The following PLEKHG5 variants were observed in gnomAD, a reference collection of about 807,000 sequenced individuals.
PLEKHG5 encodes pleckstrin homology domain-containing family G member 5.
Under a neutral mutation model 103.8 loss-of-function variants are expected in PLEKHG5, and 52 were observed. The observed-to-expected ratio is 0.50, with a 90% confidence interval of 0.40 to 0.63. PLEKHG5 has a LOEUF of 0.63. Ranked by LOEUF, PLEKHG5 falls within the 30% of genes least tolerant of loss-of-function variation. PLEKHG5 has a pLI of 0.00. For synonymous variants in PLEKHG5, 592 were observed against 575.5 expected, an observed-to-expected ratio of 1.03 and a Z score of -0.41; for missense variants, 1,205 against 1,347.6, an observed-to-expected ratio of 0.89 and a Z score of 1.66.
Position 6,477,512 on chromosome 1 carries a change from C to T in PLEKHG5, c.43+17G>A, listed in dbSNP as rs200864730. The T allele has an allele frequency of 6.2e-7, 1 of 1,601,320 alleles. No individual in the cohort carries two copies. Among genetic ancestry groups the T allele is most frequent in the African/African-American group, 1.3e-5 (1 of 74,984 alleles). ...AGGAGCTCTGGGGGCCGAGCTGCGG[C>T]TCCCGCCTGTGCTCACCTTGTGGGG... On this transcript the variant is annotated intron_variant, in intron 2 of 20. Coordinates refer to ENST00000377728, the MANE Select transcript of PLEKHG5 (RefSeq NM_020631.6).
At chr1:6,479,025 A>T (rs150414196) in intron 1 of PLEKHG5, among the ~76,000 whole-genome samples, 1 of 52,682 alleles carries the variant, frequency 1.9e-5, no homozygotes, top group Non-Finnish European at 3.8e-5. Flanking sequence ...CCCCAAGTTG[A>T]TATCTACCAC....
chr1:6,471,111 G>C lies in PLEKHG5; in HGVS notation c.1282-11C>G. 1 of 1,567,626 alleles carries C rather than the reference G, an allele frequency of 6.4e-7. No individual in the cohort carries two copies. The highest frequency in any genetic ancestry group is 8.6e-7 in the Non-Finnish European group (1 of 1,156,470). ...GAAGAGCGAGCCGAACTGGCCCGGG[G>C]CAGAACAACCACGGCGCCGGTTACC... On this transcript the variant is annotated splice_polypyrimidine_tract_variant and intron_variant, in intron 12 of 20. Transcript: ENST00000377728.
In PLEKHG5 at chr1:6,485,977, A is replaced by AC. The variant is rs372606355; in HGVS notation, c.-88+5659dup. On this transcript the variant is annotated intron_variant, in intron 1 of 20. Coordinates refer to ENST00000377728, the MANE Select transcript of PLEKHG5 (RefSeq NM_020631.6). ...GCTGGAGGCAGGGGGCGCTGGTGAC[A>AC]CCCCCCCCCACCTTGGAGACTGTGG... 62,058 of 764,484 alleles carry AC rather than the reference A, an allele frequency of 0.081. 1,396 individuals are homozygous for AC. Among genetic ancestry groups the AC allele is most frequent in the East Asian group, 0.25 (1,767 of 7,170 alleles). The allele number at this position is 764,484 out of a possible 1,614,324, so 47.4% of individuals were successfully genotyped here. A position where few individuals can be genotyped will look rare whatever the true frequency, so the allele number is the denominator to read the frequency against.
intron 20 of PLEKHG5, 55 bp downstream of exon 20, chr1:6,467,770 G>A: frequency 7.0e-6 from 11 of 1,575,462 alleles, no homozygotes; most frequent in Middle Eastern, 3.5e-4. Context: ...GGCATGAGTG[G>A]GCCCCCATGC....
At chr1:6,504,937 G>A (rs923518042) in intron 1 of PLEKHG5, among the ~76,000 whole-genome samples, 4 of 152,084 alleles carry the variant, frequency 2.6e-5, no homozygotes, top group South Asian at 2.1e-4. Flanking sequence ...AATGTGGACC[G>A]CAGGCTGAAC....
At chr1:6,484,723 T>C (rs553421528) in intron 1 of PLEKHG5, among the ~76,000 whole-genome samples, 1 of 152,156 alleles carries the variant, frequency 6.6e-6, no homozygotes, top group South Asian at 2.1e-4. Context: ...CTGCCCACCA[T>C]GTCCTGCCTC....
Position 6,487,542 on chromosome 1 carries a change from C to T in PLEKHG5, c.-88+4095G>A, listed in dbSNP as rs1254185204. Among the ~76,000 whole-genome samples the T allele has an allele frequency of 1.3e-5, 2 of 152,196 alleles. No individual in the cohort carries two copies. The highest frequency in any genetic ancestry group is 2.9e-5 in the Non-Finnish European group (2 of 68,036). On this transcript the variant is annotated intron_variant, in intron 1 of 20. Coordinates refer to ENST00000377728, the MANE Select transcript of PLEKHG5 (RefSeq NM_020631.6). The surrounding 1 kb of genome is among the most constrained non-coding windows in gnomAD (Gnocchi z 4.1). ...CCACCTGCCGGTCTTCCTTCTCTCC[C>T]TACAGCTCGCCAAGCTCAGGGCCTT...
At position 6,510,590 on chromosome 1, in the gene PLEKHG5, C is replaced by CA. The variant is rs1301931187; in HGVS notation, c.-165+8854dup. ...GGGTGACAGAATGAGACTCTGTCTC[C>CA]AAAAAAGAAAAGAATCTGCCTCTGC... On this transcript the variant is annotated intron_variant, in intron 1 of 21. Transcript: ENST00000377740. Among the ~76,000 whole-genome samples the CA allele has an allele frequency of 4.0e-5, 6 of 150,674 alleles. No homozygotes were observed. The South Asian group carries it at 6.3e-4, about 16-fold the overall frequency.
rs79523378 is a variant in PLEKHG5 at position 6,513,817 on chromosome 1, G to A, written c.-165+5628C>T. 9.2e-3 allele frequency among the ~76,000 whole-genome samples: 1,395 copies of A among 152,294 alleles called. 80 individuals carry two copies. In the East Asian group the frequency reaches 0.17, roughly 18 times the overall value. ...GCCCAGCAGAGACCCAGGCTGCCTC[G>A]GATGGGCCTTGTCTGACTGTTGGCC... On this transcript the variant is annotated intron_variant, in intron 1 of 21. Transcript: ENST00000377740.
At chr1:6,497,734 C>A (rs1183071660), upstream of PLEKHG5, among the ~76,000 whole-genome samples, 1 of 152,158 alleles carries the variant, frequency 6.6e-6, no homozygotes, top group Admixed American at 6.5e-5. This position sits in a 1 kb window ranked among gnomAD's most constrained non-coding sequence, Gnocchi z 6.1. Context: ...TCGCTGTCTC[C>A]GAGGTCAGTT....
intron 17 of PLEKHG5, 43 bp downstream of exon 17, chr1:6,469,501 C>G: frequency 6.2e-7 from 1 of 1,613,758 alleles, no homozygotes; most frequent in Non-Finnish European, 8.5e-7. Context: ...GGCCCCCACC[C>G]ATCACAGCCC....
In PLEKHG5 at chr1:6,469,127, C is replaced by T. The variant is rs201551894; in HGVS notation, c.2164G>A (p.Glu722Lys). The change falls in exon 19 of 21, where the codon GAG becomes AAG. Residue 722 changes from glutamate (E) to lysine (K), a missense_variant. Coordinates refer to ENST00000377728, the MANE Select transcript of PLEKHG5 (RefSeq NM_020631.6). ...EEEEEEEEEE[E>K]EGEDSGTSAA... is the part of the protein sequence containing the mutation. ...GAAGTGCCACTGTCCTCGCCTTCCT[C>T]CTCCTCCTCCTCCTCCTCCTCTTCC... is the stretch of plus-strand genomic sequence containing the variant. 145 of 1,470,802 alleles carry T rather than the reference C, an allele frequency of 9.9e-5. No individual in the cohort carries two copies. In the East Asian group the frequency reaches 2.4e-3, roughly 25 times the overall value. The allele number at this position is 1,470,802 out of a possible 1,614,324, so 91.1% of individuals were successfully genotyped here.
chr1:6,478,805 G>A (rs1305289728), intron 1 of PLEKHG5, among the ~76,000 whole-genome samples: 2 of 151,874 alleles, frequency 1.3e-5, no homozygotes, highest in Admixed American at 6.6e-5. Context: ...CACCACGCCC[G>A]ACTAATTTTT....
intron 1 of PLEKHG5, among the ~76,000 whole-genome samples, chr1:6,488,270 G>C (rs1200051460): frequency 6.6e-6 from 1 of 152,232 alleles, no homozygotes; most frequent in Admixed American, 6.5e-5. Context: ...CCATTTAACA[G>C]ATAGAGAAAC....
chr1:6,473,408 G>A lies in PLEKHG5; in HGVS notation c.638C>T (p.Ala213Val), dbSNP rs367543633. The A allele has an allele frequency of 5.8e-5, 90 of 1,543,180 alleles. 1 individual carries two copies. Among genetic ancestry groups the A allele is most frequent in the Non-Finnish European group, 7.1e-5 (81 of 1,143,644 alleles). ...RKNMSEFLGE[A>V]SIPGQEPPTP... The stretch of plus-strand genomic sequence containing the variant: ...GGGGGGCTCCTGCCCGGGGATGCTC[G>A]CCTCCCCCAGGAACTCCGACATGTT... Residue 213 changes from alanine to valine, a missense_variant, in exon 8 of 21, where the codon GCG (alanine) becomes GTG (valine). Physicochemically the swap from Ala to Val is moderately conservative, Grantham distance 64. Coordinates refer to ENST00000377728, the MANE Select transcript of PLEKHG5 (RefSeq NM_020631.6).
chr1:6,519,506 A>C (rs367766610), exon 1 of PLEKHG5: 21 of 1,613,830 alleles, frequency 1.3e-5, no homozygotes, highest in Middle Eastern at 1.6e-4. Context: ...TCAGGACTGA[A>C]TTCATGCTTG....
At chr1:6,482,120 T>G (rs916095401) in intron 1 of PLEKHG5, among the ~76,000 whole-genome samples, 3 of 151,976 alleles carry the variant, frequency 2.0e-5, no homozygotes, top group African/African-American at 7.3e-5. Context: ...AATGCATGGC[T>G]CCCTGCCTTC....
chr1:6,494,733 G>C (rs1645198679), upstream of PLEKHG5, among the ~76,000 whole-genome samples: 1 of 152,190 alleles, frequency 6.6e-6, no homozygotes, highest in African/African-American at 2.4e-5. Context: ...CCTCCAGGAT[G>C]CCCTCCCTGA....
At chr1:6,470,913 G>T in intron 13 of PLEKHG5, 29 bp from the exon 14 acceptor site, 1 of 1,551,166 alleles carries the variant, frequency 6.4e-7, no homozygotes, top group South Asian at 1.2e-5. Flanking sequence ...GGCGGGCTCA[G>T]GGCAGGCCCC....
Sources: gnomAD v4.1 joint callset for allele counts (sites outside exome capture counted in the v4.1 genomes callset) on GRCh38, gnomAD v4.1.1 for gene constraint, Gnocchi (gnomAD v3.1) non-coding constraint, MANE v1.5 for transcripts, NCBI Gene and HGNC (gene_info 2026-07-23, HGNC 2026-07-21) for gene names.